PIK3CD: variants seen among roughly 807,000 people sequenced by gnomAD.
PIK3CD encodes the protein phosphatidylinositol-4,5-bisphosphate 3-kinase catalytic subunit delta.
In PIK3CD, 20 loss-of-function variants were observed where a neutral mutation model predicts 122.9. The observed-to-expected ratio is 0.16, with a 90% CI of 0.11 to 0.24. The LOEUF (loss-of-function observed/expected upper bound fraction) is 0.24. PIK3CD is among the 10% of genes least tolerant of loss of function. The pLI, the probability that PIK3CD is intolerant of heterozygous loss-of-function variation, is 1.00. For synonymous variants in PIK3CD, 596 were observed against 593.4 expected (o/e 1.00, Z -0.06); for missense variants, 787 against 1,406.3 (o/e 0.56, Z 7.04).
rs573826459 is a variant in PIK3CD, at chr1:9,724,523, C to T, written c.2864+102C>T. ...TGCAGGATGGGGCTCAGGTCTCAACCCCACACCTGGCCCCTCACCCCAACT... is the reference window on the plus strand; with the variant it reads ...TGCAGGATGGGGCTCAGGTCTCAACTCCACACCTGGCCCCTCACCCCAACT... On this transcript the variant is annotated intron_variant, in intron 22 of 23. Coordinates refer to ENST00000377346, the MANE Select transcript of PIK3CD (RefSeq NM_005026.5). The surrounding 1 kb of genome is among the most constrained non-coding windows in gnomAD (Gnocchi z 7.3). The T allele has an allele frequency of 1.9e-4, 248 of 1,327,402 alleles. No homozygotes were observed. In the African/African-American group the frequency reaches 3.3e-3, roughly 18 times the overall value. The allele number at this position is 1,327,402 out of a possible 1,614,324, so 82.2% of individuals were successfully genotyped here.
intron 1 of PIK3CD, among the ~76,000 whole-genome samples, chr1:9,673,754 G>A (rs1219375382): frequency 6.6e-6 from 1 of 152,074 alleles, no homozygotes; most frequent in African/African-American, 2.4e-5. Context: ...TGTCTTGCCT[G>A]GTCTAATTCC....
At chr1:9,665,186 A>G (rs1288568364) in intron 1 of PIK3CD, among the ~76,000 whole-genome samples, 8 of 146,190 alleles carry the variant, frequency 5.5e-5, no homozygotes, top group African/African-American at 1.8e-4. Context: ...CCTGGGTAAC[A>G]GAGTGACAGC....
At chr1:9,635,452 C>G in the PIK3CD span, among the ~76,000 whole-genome samples, 3 of 152,138 alleles carry the variant, frequency 2.0e-5, no homozygotes, top group Admixed American at 2.0e-4. Context: ...AGAGGCCCTG[C>G]AGCTCGCTGG....
At chr1:9,685,686 T>TA in intron 1 of PIK3CD, among the ~76,000 whole-genome samples, 1 of 152,078 alleles carries the variant, frequency 6.6e-6, no homozygotes, top group East Asian at 1.9e-4. Flanking sequence ...TTTAAAGAGA[T>TA]GAGTATCTCA....
At chr1:9,706,280 C>T (rs185873762) in intron 2 of PIK3CD, among the ~76,000 whole-genome samples, 75 of 149,668 alleles carry the variant, frequency 5.0e-4, no homozygotes, top group Non-Finnish European at 8.9e-5. Flanking sequence ...CACTTGAGCC[C>T]AGGAGTTCGA....
At chr1:9,662,018 C>T (rs1389204484) in intron 1 of PIK3CD, among the ~76,000 whole-genome samples, 1 of 151,548 alleles carries the variant, frequency 6.6e-6, no homozygotes, top group African/African-American at 2.4e-5. Flanking sequence ...GTTAGCCGGA[C>T]ATGGTGGTGC....
At position 9,715,736 on chromosome 1, in the gene PIK3CD, A is replaced by G. The variant is rs756298807; in HGVS notation, c.337A>G (p.Ile113Val). 6.2e-6 allele frequency: 10 copies of G among 1,613,380 alleles called. No homozygotes were observed. The highest frequency in any genetic ancestry group is 8.5e-6 in the Non-Finnish European group (10 of 1,179,956). ...AREGDRVKKLINSQISLLIGK... is the reference protein window; with the variant it reads ...AREGDRVKKLVNSQISLLIGK... ...TGAGGGCGACCGCGTGAAGAAGCTC[A>G]TCAACTCACAGATCAGCCTCCTCAT... is the stretch of plus-strand genomic sequence containing the variant. The change falls in exon 4 of 24, where the codon ATC (isoleucine) becomes GTC (valine). Residue 113 changes from isoleucine (I) to valine (V), a missense_variant. Physicochemically the swap from Ile to Val is conservative, Grantham distance 29. Coordinates refer to ENST00000377346, the MANE Select transcript of PIK3CD (RefSeq NM_005026.5). The surrounding 1 kb of genome is among the most constrained non-coding windows in gnomAD (Gnocchi z 4.1).
In PIK3CD at chr1:9,728,147, C is replaced by G. The variant is rs1165147199; in HGVS notation, c.*1101C>G. ...AGCCACCTCTGAAAGCAGGTTTTAA[C>G]AAAAGGATGAGGCCAGAACTCTTCC... On this transcript the variant is annotated 3_prime_UTR_variant, in exon 24 of 24. Coordinates refer to ENST00000377346, the MANE Select transcript of PIK3CD (RefSeq NM_005026.5). The G allele has an allele frequency of 6.6e-6, 1 of 152,438 alleles. No individual in the cohort carries two copies. Among genetic ancestry groups the G allele is most frequent in the East Asian group, 1.9e-4 (1 of 5,196 alleles). 9.4% of individuals were successfully genotyped at this position (152,438 alleles called of 1,614,324 possible). A position where few individuals can be genotyped will look rare whatever the true frequency, so the allele number is the denominator to read the frequency against.
rs1649772919 is a variant in PIK3CD at position 9,727,072 on chromosome 1, G to C, written c.*26G>C. On this transcript the variant is annotated 3_prime_UTR_variant, in exon 24 of 24. Transcript: ENST00000377346. ...TGGCTCCTCCCAGCCCTGGGCCCAA[G>C]AGGAGGCGGCTGCGGGTCGTGGGGA... is the stretch of plus-strand genomic sequence containing the variant. 1 of 1,613,822 alleles carries C rather than the reference G, an allele frequency of 6.2e-7. No homozygotes were observed. The highest frequency in any genetic ancestry group is 1.3e-5 in the African/African-American group (1 of 74,928).
chr1:9,645,355 C>G, the PIK3CD span, among the ~76,000 whole-genome samples: 1 of 151,948 alleles, frequency 6.6e-6, no homozygotes, highest in Non-Finnish European at 1.5e-5. Flanking sequence ...TCCTGGCACC[C>G]CAAGCAAAAG....
Position 9,716,621 on chromosome 1 carries a change from T to C in PIK3CD, c.780+2T>C. 6.4e-7 allele frequency: 1 copy of C among 1,552,048 alleles called. No homozygotes were observed. The highest frequency in any genetic ancestry group is 1.2e-5 in the South Asian group (1 of 84,794). On this transcript the variant is annotated splice_donor_variant, in intron 6 of 23. Transcript: ENST00000377346. LOFTEE classifies it high-confidence loss of function. ...AGCTACCCGCTCTGCCAGTTCCAGG[T>C]GAGGCCGCTGAGGCCCTCTGCACTC... is the stretch of plus-strand genomic sequence containing the variant.
At chr1:9,630,933 C>G in the PIK3CD span, among the ~76,000 whole-genome samples, 1 of 152,100 alleles carries the variant, frequency 6.6e-6, no homozygotes, top group Non-Finnish European at 1.5e-5. Flanking sequence ...TGGCTCCATT[C>G]AGATGATTGG....
intron 1 of PIK3CD, among the ~76,000 whole-genome samples, chr1:9,666,331 C>G (rs183503305): frequency 2.1e-5 from 3 of 144,950 alleles, no homozygotes; most frequent in East Asian, 2.1e-4. Context: ...ACCTCTGCCC[C>G]CCCAGGTTCA....
rs1342112990 is a variant in PIK3CD at position 9,689,336 on chromosome 1, G to T, written c.-137-2131G>T. Among the ~76,000 whole-genome samples the T allele has an allele frequency of 6.6e-6, 1 of 152,080 alleles. No homozygotes were observed. The highest frequency in any genetic ancestry group is 1.5e-5 in the Non-Finnish European group (1 of 67,980). On this transcript the variant is annotated intron_variant, in intron 1 of 23. Coordinates refer to ENST00000377346, the MANE Select transcript of PIK3CD (RefSeq NM_005026.5). The surrounding 1 kb of genome is among the most constrained non-coding windows in gnomAD (Gnocchi z 6.1). Reference sequence around the variant, plus strand: ...CGTCCTGGGCCTCCGGGCGAGAACAGCGGGGGTCGGGGAGGATTTGCAGCG... The same window carrying T: ...CGTCCTGGGCCTCCGGGCGAGAACATCGGGGGTCGGGGAGGATTTGCAGCG...
chr1:9,698,482 C>T (rs1646504046), intron 2 of PIK3CD, among the ~76,000 whole-genome samples: 1 of 152,234 alleles, frequency 6.6e-6, no homozygotes, highest in Non-Finnish European at 1.5e-5. Context: ...AAGCATATGT[C>T]ACAGTGATAA....
At position 9,722,487 on chromosome 1, in the gene PIK3CD, C is replaced by A; in HGVS notation, c.2348-41C>A. On this transcript the variant is annotated intron_variant, in intron 18 of 23. Transcript: ENST00000377346. The surrounding 1 kb of genome is among the most constrained non-coding windows in gnomAD (Gnocchi z 7.6). The stretch of plus-strand genomic sequence containing the variant: ...GGTGTAGCTGGAAGCAGAGAACCTA[C>A]CAGAAACTCACGCTTCTCCTCCCAC... 6.3e-7 allele frequency: 1 copy of A among 1,575,760 alleles called. No homozygotes were observed. Among genetic ancestry groups the A allele is most frequent in the Non-Finnish European group, 8.7e-7 (1 of 1,145,776 alleles).
chr1:9,719,008 C>T lies in PIK3CD; in HGVS notation c.1242+93C>T, dbSNP rs942179264. 7 of 1,216,996 alleles carry T rather than the reference C, an allele frequency of 5.8e-6. No homozygotes were observed. The highest frequency in any genetic ancestry group is 5.9e-6 in the Non-Finnish European group (5 of 848,756). 75.4% of individuals were successfully genotyped at this position (1,216,996 alleles called of 1,614,324 possible). On this transcript the variant is annotated intron_variant, in intron 9 of 23. Transcript: ENST00000377346. The surrounding 1 kb of genome is among the most constrained non-coding windows in gnomAD (Gnocchi z 5.5). Reference sequence around the variant, plus strand: ...CTCACCACTCTCCTCCCGGCAAGCACGCAGCCTGGGGATGGGGGTCCTGGG... The same window carrying T: ...CTCACCACTCTCCTCCCGGCAAGCATGCAGCCTGGGGATGGGGGTCCTGGG...
At position 9,724,250 on chromosome 1, in the gene PIK3CD, C is replaced by G. The variant is rs991214840; in HGVS notation, c.2719-26C>G. 4.0e-5 allele frequency: 64 copies of G among 1,613,798 alleles called. No individual in the cohort carries two copies. The highest frequency in any genetic ancestry group is 5.0e-5 in the Non-Finnish European group (59 of 1,179,968). On this transcript the variant is annotated intron_variant, in intron 21 of 23. Transcript: ENST00000377346. The surrounding 1 kb of genome is among the most constrained non-coding windows in gnomAD (Gnocchi z 7.3). Reference sequence around the variant, plus strand: ...TCTCCTGTCTGACACCTTCTCAATCCTCCCCCTCCTCTCCCCTCCCCTCAG... The same window carrying G: ...TCTCCTGTCTGACACCTTCTCAATCGTCCCCCTCCTCTCCCCTCCCCTCAG...
chr1:9,641,361 G>A, the PIK3CD span, among the ~76,000 whole-genome samples: 1 of 152,162 alleles, frequency 6.6e-6, no homozygotes, highest in African/African-American at 2.4e-5. Context: ...TGTATCAGAA[G>A]CAGGACTAGG....
Sources: allele counts gnomAD v4.1 joint callset (sites outside exome capture counted in the v4.1 genomes callset), GRCh38; gene constraint gnomAD v4.1.1; non-coding constraint Gnocchi (gnomAD v3.1); transcripts MANE v1.5; gene names NCBI Gene and HGNC (gene_info 2026-07-23, HGNC 2026-07-21).